Variants in RADIL observed in about 807,000 individuals in gnomAD.
RADIL encodes ras-associating and dilute domain-containing protein.
RADIL carries 99 observed loss-of-function variants against 97.6 expected under a neutral mutation model. The ratio of observed to expected loss-of-function variants is 1.01; its 90% confidence interval spans 0.86 to 1.20. RADIL has a LOEUF of 1.20. Ranked by LOEUF, RADIL falls within the 50% of genes most tolerant of loss-of-function variation. The probability of loss-of-function intolerance (pLI) is 0.00; values close to 1 mark genes in which losing one functional copy is unlikely to be tolerated. For synonymous variants in RADIL, 803 were observed against 691.8 expected (o/e 1.16, Z -2.52); for missense variants, 1,765 against 1,498.9 (o/e 1.18, Z -2.93).
rs936694844 is a variant in RADIL, at chr7:4,813,678, G to A, written c.2139+1600C>T. ...ACAGGAACTTCAGTCAGCTCTTTGT[G>A]GAGGCTCACTCTCTCCTCATCCTTC... On this transcript the variant is annotated intron_variant, in intron 9 of 14. Coordinates refer to ENST00000399583, the MANE Select transcript of RADIL (RefSeq NM_018059.5). The surrounding 1 kb of genome is among the most constrained non-coding windows in gnomAD (Gnocchi z 5.0). Among the ~76,000 whole-genome samples the A allele has an allele frequency of 3.9e-5, 6 of 152,224 alleles. No homozygotes were observed. The highest frequency in any genetic ancestry group is 1.4e-4 in the African/African-American group (6 of 41,462).
At chr7:4,799,865 G>C in intron 13 of RADIL, 96 bp from the exon 14 acceptor site, 1 of 1,421,830 alleles carries the variant, frequency 7.0e-7, no homozygotes, top group African/African-American at 1.4e-5. Context: ...ACAGGCCCCC[G>C]CCTGGCATCC....
rs1416929258 is a variant in RADIL, at chr7:4,834,062, G to C, written c.1416+545C>G. Among the ~76,000 whole-genome samples, 4 of 152,202 alleles carry C rather than the reference G, an allele frequency of 2.6e-5. No individual in the cohort carries two copies. Among genetic ancestry groups the C allele is most frequent in the African/African-American group, 9.6e-5 (4 of 41,452 alleles). On this transcript the variant is annotated intron_variant, in intron 4 of 14. Transcript: ENST00000399583. The surrounding 1 kb of genome is among the most constrained non-coding windows in gnomAD (Gnocchi z 6.0). The stretch of plus-strand genomic sequence containing the variant: ...AGTGTCCACAGGGCCGGGGATGAGA[G>C]AGGCTGGCCTGGAGGAAAGTTCGTC...
chr7:4,817,955 G>C lies in RADIL; in HGVS notation c.1616-604C>G, dbSNP rs910734755. Among the ~76,000 whole-genome samples, 2 of 152,342 alleles carry C rather than the reference G, an allele frequency of 1.3e-5. No individual in the cohort carries two copies. The highest frequency in any genetic ancestry group is 4.8e-5 in the African/African-American group (2 of 41,580). On this transcript the variant is annotated intron_variant, in intron 6 of 14. Transcript: ENST00000399583. The surrounding 1 kb of genome is among the most constrained non-coding windows in gnomAD (Gnocchi z 8.3). The stretch of plus-strand genomic sequence containing the variant: ...CCCCAACAGGGTGGAGCCTTCCCCG[G>C]GGGCTTCCAGAAAGTGAGGGAGCAT...
Position 4,820,022 on chromosome 7 carries a change from C to G in RADIL, c.1615+2372G>C, listed in dbSNP as rs144991341. ...CCAAACCCAGGCAGCCACGAAGCCACGTGGAAAGTCAGCCGGGGACTCTCC... is the reference window on the plus strand; with the variant it reads ...CCAAACCCAGGCAGCCACGAAGCCAGGTGGAAAGTCAGCCGGGGACTCTCC... On this transcript the variant is annotated intron_variant, in intron 6 of 14. Transcript: ENST00000399583. 4.5e-4 allele frequency among the ~76,000 whole-genome samples: 68 copies of G among 152,356 alleles called. 1 individual carries two copies. The highest frequency in any genetic ancestry group is 1.3e-3 in the African/African-American group (54 of 41,584).
rs1783665695 is a variant in RADIL, at chr7:4,849,874, G to A, written c.536-13269C>T. 6.6e-6 allele frequency among the ~76,000 whole-genome samples: 1 copy of A among 152,018 alleles called. No individual in the cohort carries two copies. The highest frequency in any genetic ancestry group is 1.5e-5 in the Non-Finnish European group (1 of 68,000). On this transcript the variant is annotated intron_variant, in intron 2 of 14. Transcript: ENST00000399583. This position sits in a 1 kb window ranked among gnomAD's most constrained non-coding sequence, Gnocchi z 5.4. ...TTAAGTACAAAAATAAAAATCCTAGGTAATAAGAAAGTATTATGTCCTAGT... is the reference window on the plus strand; with the variant it reads ...TTAAGTACAAAAATAAAAATCCTAGATAATAAGAAAGTATTATGTCCTAGT...
intron 9 of RADIL, among the ~76,000 whole-genome samples, chr7:4,810,075 A>C (rs1583270838): frequency 6.6e-6 from 1 of 151,934 alleles, no homozygotes; most frequent in Non-Finnish European, 1.5e-5. Flanking sequence ...CTGGTCTCGA[A>C]CTCCTGACCT....
At chr7:4,827,406 T>C (rs554440082) in intron 5 of RADIL, among the ~76,000 whole-genome samples, 161 of 149,228 alleles carry the variant, frequency 1.1e-3, no homozygotes, top group African/African-American at 3.8e-3. Context: ...ACGCCTGTAA[T>C]CCCAGCACTT....
rs1055119650 is a variant in RADIL, at chr7:4,835,333, C to T, written c.784-94G>A. 1.3e-6 allele frequency: 2 copies of T among 1,490,182 alleles called. No individual in the cohort carries two copies. The highest frequency in any genetic ancestry group is 1.8e-6 in the Non-Finnish European group (2 of 1,112,504). The allele number at this position is 1,490,182 out of a possible 1,614,324, so 92.3% of individuals were successfully genotyped here. A position where few individuals can be genotyped will look rare whatever the true frequency, so the allele number is the denominator to read the frequency against. On this transcript the variant is annotated intron_variant, in intron 3 of 14. Transcript: ENST00000399583. The surrounding 1 kb of genome is among the most constrained non-coding windows in gnomAD (Gnocchi z 5.8). Reference sequence around the variant, plus strand: ...GTCACTGGTTGCTGAAGCAGCGTGGCTGGGATGCTGTCGCCACGGGCTCTC... The same window carrying T: ...GTCACTGGTTGCTGAAGCAGCGTGGTTGGGATGCTGTCGCCACGGGCTCTC...
At chr7:4,864,230 T>C (rs745791278) in intron 2 of RADIL, among the ~76,000 whole-genome samples, 4 of 152,132 alleles carry the variant, frequency 2.6e-5, no homozygotes, top group Non-Finnish European at 5.9e-5. Flanking sequence ...TATGGTAGCT[T>C]CATCTTGGCC....
chr7:4,832,291 C>T (rs1407497830), intron 4 of RADIL, 113 bp from the exon 5 acceptor site: 9 of 971,402 alleles, frequency 9.3e-6, no homozygotes, highest in African/African-American at 3.2e-5. Flanking sequence ...CCCAGGCATC[C>T]TGTGTGACGC....
At chr7:4,850,403 G>A (rs773476136) in intron 2 of RADIL, among the ~76,000 whole-genome samples, 83 of 152,262 alleles carry the variant, frequency 5.5e-4, no homozygotes, top group Middle Eastern at 6.8e-3. Flanking sequence ...TATGCTGCAT[G>A]GCAGAAGAGA....
In RADIL at chr7:4,847,739, C is replaced by CAAAAAAAAAAAAA. The variant is rs56177809; in HGVS notation, c.536-11147_536-11135dup. ...TATGCTACGTGAAAAAAGCTAGATG[C>CAAAAAAAAAAAAA]AAAAAAAAAAAAAAAAAAAAAAAAA... On this transcript the variant is annotated intron_variant, in intron 2 of 14. Coordinates refer to ENST00000399583, the MANE Select transcript of RADIL (RefSeq NM_018059.5). 1.1e-3 allele frequency among the ~76,000 whole-genome samples: 25 copies of CAAAAAAAAAAAAA among 23,808 alleles called. 3 individuals are homozygous for CAAAAAAAAAAAAA. Among genetic ancestry groups the CAAAAAAAAAAAAA allele is most frequent in the South Asian group, 2.7e-3 (1 of 376 alleles). 15.6% of individuals were successfully genotyped at this position (23,808 alleles called of 152,430 possible). A position where few individuals can be genotyped will look rare whatever the true frequency, so the allele number is the denominator to read the frequency against.
At position 4,824,828 on chromosome 7, in the gene RADIL, G is replaced by A. The variant is rs992635303; in HGVS notation, c.1455-2274C>T. On this transcript the variant is annotated intron_variant, in intron 5 of 14. Transcript: ENST00000399583. The surrounding 1 kb of genome is among the most constrained non-coding windows in gnomAD (Gnocchi z 6.7). ...TAAAGAAGGATTCGCTGGGCTCTTC[G>A]GAGACTAATTCCATCTTGTTTTCAA... is the stretch of plus-strand genomic sequence containing the variant. Among the ~76,000 whole-genome samples, 2 of 152,182 alleles carry A rather than the reference G, an allele frequency of 1.3e-5. No homozygotes were observed. The highest frequency in any genetic ancestry group is 2.4e-5 in the African/African-American group (1 of 41,448).
chr7:4,797,608 G>A lies in RADIL; in HGVS notation c.*1770C>T, dbSNP rs1438582854. Reference sequence around the variant, plus strand: ...TCCAGGATCCTGGGATCTGCACCAGGTCCAGAAATGCAGACCGTCCAGAGC... The same window carrying A: ...TCCAGGATCCTGGGATCTGCACCAGATCCAGAAATGCAGACCGTCCAGAGC... On this transcript the variant is annotated 3_prime_UTR_variant, in exon 15 of 15. Coordinates refer to ENST00000399583, the MANE Select transcript of RADIL (RefSeq NM_018059.5). 6.6e-6 allele frequency: 1 copy of A among 152,140 alleles called. No homozygotes were observed. Among genetic ancestry groups the A allele is most frequent in the Non-Finnish European group, 1.5e-5 (1 of 68,050 alleles). 9.4% of individuals were successfully genotyped at this position (152,140 alleles called of 1,614,324 possible).
chr7:4,816,191 G>A (rs1326831421), intron 8 of RADIL, 37 bp downstream of exon 8: 2 of 1,570,340 alleles, frequency 1.3e-6, no homozygotes, highest in South Asian at 2.3e-5. Context: ...CCAGGAATGT[G>A]AGCCCCCGAC....
chr7:4,847,243 C>T (rs553665903), intron 2 of RADIL, among the ~76,000 whole-genome samples: 1 of 152,262 alleles, frequency 6.6e-6, no homozygotes, highest in Non-Finnish European at 1.5e-5. Flanking sequence ...ATCGCTTGAA[C>T]CCAGGAGGCA....
chr7:4,800,467 C>A (rs1782045049), intron 12 of RADIL, among the ~76,000 whole-genome samples, 157 bp from the exon 13 acceptor site: 1 of 152,124 alleles, frequency 6.6e-6, no homozygotes, highest in Admixed American at 6.5e-5. Flanking sequence ...TGACCGGCAA[C>A]CCAGACATTA....
intron 9 of RADIL, among the ~76,000 whole-genome samples, chr7:4,806,625 G>A (rs562413353): frequency 2.0e-5 from 3 of 152,340 alleles, no homozygotes; most frequent in Admixed American, 6.5e-5. Flanking sequence ...GCTCCCAGCC[G>A]GTTCTTATTT....
In RADIL at chr7:4,803,599, G is replaced by T. The variant is rs1263615160; in HGVS notation, c.2446C>A (p.Pro816Thr). The change falls in exon 11 of 15, where the codon CCC (proline) becomes ACC (threonine). Residue 816 changes from proline to threonine, a missense_variant. Physicochemically the swap from Pro to Thr is conservative, Grantham distance 38 (BLOSUM62 -1). Transcript: ENST00000399583. ...FLWGLRSRAS[P>T]GSPGRPGSGA... is the part of the protein sequence containing the mutation. ...CTGCCAGGCCTGCCAGGGCTGCCGG[G>T]GCTGGCTCTGCTCCGCAGACCCCAC... 6.5e-7 allele frequency: 1 copy of T among 1,547,460 alleles called. No individual in the cohort carries two copies. The highest frequency in any genetic ancestry group is 8.7e-7 in the Non-Finnish European group (1 of 1,145,990).
Sources: allele counts gnomAD v4.1 joint callset (sites outside exome capture counted in the v4.1 genomes callset), GRCh38; gene constraint gnomAD v4.1.1; non-coding constraint Gnocchi (gnomAD v3.1); transcripts MANE v1.5; gene names NCBI Gene and HGNC (gene_info 2026-07-23, HGNC 2026-07-21).